The following MCTP2 variants were observed in gnomAD, a reference collection of about 807,000 sequenced individuals.
MCTP2 encodes the protein multiple C2 and transmembrane domain-containing protein 2.
Under a neutral mutation model 111.6 loss-of-function variants are expected in MCTP2, and 132 were observed. The ratio of observed to expected loss-of-function variants is 1.18; its 90% CI spans 1.03 to 1.37. The LOEUF is 1.37. Among genes scored for constraint, MCTP2 ranks in the 40% most tolerant of loss-of-function variants. The pLI, the probability that MCTP2 is intolerant of heterozygous loss-of-function variation, is 0.00. For synonymous variants in MCTP2, 395 were observed against 387.7 expected (o/e 1.02, Z -0.22); for missense variants, 1,183 against 1,067.9 (o/e 1.11, Z -1.50).
At chr15:94,352,518 A>T (rs776861699) in intron 8 of MCTP2, among the ~76,000 whole-genome samples, 4 of 152,154 alleles carry the variant, frequency 2.6e-5, no homozygotes, top group Non-Finnish European at 5.9e-5. Flanking sequence ...CAAAACCCTG[A>T]TGTACTGTAT....
intron 14 of MCTP2, 156 bp downstream of exon 14, chr15:94,385,681 T>G (rs1243616148): frequency 3.5e-6 from 2 of 565,516 alleles, no homozygotes; most frequent in Non-Finnish European, 6.3e-6. Flanking sequence ...TTTCCGGTAT[T>G]TTCAGTAGTT....
chr15:94,444,063 G>A (rs531063365), intron 19 of MCTP2, among the ~76,000 whole-genome samples: 65 of 150,428 alleles, frequency 4.3e-4, no homozygotes, highest in Middle Eastern at 3.5e-3. Flanking sequence ...GCAAGTCTAG[G>A]CCTCCTGTTC....
intron 14 of MCTP2, 70 bp from the exon 15 acceptor site, chr15:94,398,890 GT>G (rs1178279958): frequency 2.2e-6 from 2 of 902,974 alleles, no homozygotes; most frequent in African/African-American, 3.3e-5. Context: ...GCCAAAGTTA[GT>G]TTTGGTTATT....
intron 2 of MCTP2, among the ~76,000 whole-genome samples, chr15:94,308,541 T>G (rs1177396979): frequency 2.0e-5 from 3 of 152,244 alleles, no homozygotes; most frequent in African/African-American, 4.8e-5. Context: ...TGGACTTGTT[T>G]TAAGAAGTTA....
intron 17 of MCTP2, among the ~76,000 whole-genome samples, chr15:94,406,861 T>G (rs918831204): frequency 7.2e-5 from 10 of 139,182 alleles, no homozygotes; most frequent in African/African-American, 1.0e-4. Context: ...TTCAGTTGTT[T>G]TTTTTTTTTT....
chr15:94,372,629 C>A (rs2079548272), intron 12 of MCTP2, among the ~76,000 whole-genome samples: 1 of 152,144 alleles, frequency 6.6e-6, no homozygotes, highest in Non-Finnish European at 1.5e-5. Context: ...GGATCAGGAT[C>A]AGAAAAGCCA....
At chr15:94,377,507 G>A (rs769587440) in intron 12 of MCTP2, among the ~76,000 whole-genome samples, 7 of 152,198 alleles carry the variant, frequency 4.6e-5, no homozygotes, top group Admixed American at 2.6e-4. Flanking sequence ...TAGAGGCACC[G>A]TGAGGGTGAA....
chr15:94,467,109 T>C lies in MCTP2; in HGVS notation c.2361-3224T>C, dbSNP rs2152536725. Among the ~76,000 whole-genome samples, 3 of 152,330 alleles carry C rather than the reference T, an allele frequency of 2.0e-5. No individual in the cohort carries two copies. In the Middle Eastern group the frequency reaches 0.01, roughly 518 times the overall value. On this transcript the variant is annotated intron_variant, in intron 20 of 22. Coordinates refer to ENST00000357742, the MANE Select transcript of MCTP2 (RefSeq NM_001385001.1). ...ATGTATGGAATCCCCTCACCAACTC[T>C]GTAAAGTAGATGCAGTTATTATTCC...
At chr15:94,243,185 A>C (rs1211968243) in intron 1 of MCTP2, among the ~76,000 whole-genome samples, 2 of 147,792 alleles carry the variant, frequency 1.4e-5, no homozygotes, top group African/African-American at 2.5e-5. Context: ...GTATGTACGT[A>C]TGCGTATATA....
At chr15:94,321,756 T>C (rs7174200) in intron 4 of MCTP2, among the ~76,000 whole-genome samples, 127,604 of 152,192 alleles carry the variant, frequency 0.84, 53,712 homozygotes, top group East Asian at 0.93. Context: ...ATATAACTTT[T>C]GAATTCCCCA....
intron 12 of MCTP2, among the ~76,000 whole-genome samples, chr15:94,372,586 T>TA (rs557616642): frequency 6.9e-4 from 105 of 152,290 alleles, no homozygotes; most frequent in Non-Finnish European, 1.1e-3. Flanking sequence ...AAGTATGTAG[T>TA]AAAAAAATAA....
intron 17 of MCTP2, among the ~76,000 whole-genome samples, chr15:94,427,001 T>C (rs2082925582): frequency 6.6e-6 from 1 of 152,150 alleles, no homozygotes; most frequent in African/African-American, 2.4e-5. Context: ...CTCTGTGACA[T>C]TGCCAGAAGA....
intron 1 of MCTP2, among the ~76,000 whole-genome samples, chr15:94,251,478 C>T (rs2072423189): frequency 6.6e-6 from 1 of 152,026 alleles, no homozygotes; most frequent in Non-Finnish European, 1.5e-5. Flanking sequence ...CCTGCCTCGG[C>T]CTCCTGAGTA....
At chr15:94,400,412 C>A (rs1419437318) in intron 16 of MCTP2, among the ~76,000 whole-genome samples, 1 of 152,116 alleles carries the variant, frequency 6.6e-6, no homozygotes, top group Non-Finnish European at 1.5e-5. Flanking sequence ...CCCAGCAGAT[C>A]TTCAGAGACT....
rs192462496 is a variant in MCTP2 at position 94,430,843 on chromosome 15, A to G, written c.2086-9333A>G. ...CATTTGCTCTTTCTTCTGCCTGGAA[A>G]CATTATTCACCTAGATACCCACACC... On this transcript the variant is annotated intron_variant, in intron 17 of 22. Transcript: ENST00000357742. 2.8e-4 allele frequency among the ~76,000 whole-genome samples: 43 copies of G among 152,206 alleles called. No individual in the cohort carries two copies. In the East Asian group the frequency reaches 6.0e-3, roughly 21 times the overall value.
intron 17 of MCTP2, among the ~76,000 whole-genome samples, chr15:94,430,867 C>T (rs1194295562): frequency 1.3e-5 from 2 of 152,196 alleles, no homozygotes; most frequent in Non-Finnish European, 2.9e-5. Flanking sequence ...GATACCCACA[C>T]CTCCTCCAAA....
At chr15:94,443,048 T>C in intron 19 of MCTP2, 88 bp downstream of exon 19, 5 of 129,458 alleles carry the variant, frequency 3.9e-5, no homozygotes, top group Non-Finnish European at 5.9e-5. Flanking sequence ...CTCTCCTCTC[T>C]TTTTTTTTTT....
chr15:94,341,680 C>T (rs906672434), intron 7 of MCTP2: 3 of 152,112 alleles, frequency 2.0e-5, no homozygotes, highest in South Asian at 2.1e-4. Flanking sequence ...TGATGAAAAC[C>T]GTGATTGATT....
intron 19 of MCTP2, among the ~76,000 whole-genome samples, chr15:94,448,936 G>C (rs930890990): frequency 3.3e-5 from 5 of 152,180 alleles, no homozygotes; most frequent in African/African-American, 4.8e-5. Context: ...AGCTACTCGG[G>C]AGGCTGAGGC....
Sources: gnomAD v4.1 joint callset for allele counts (sites outside exome capture counted in the v4.1 genomes callset) on GRCh38, gnomAD v4.1.1 for gene constraint, MANE v1.5 for transcripts, NCBI Gene and HGNC (gene_info 2026-07-23, HGNC 2026-07-21) for gene names.